GRM3: variants seen among roughly 807,000 people sequenced by gnomAD.
GRM3 encodes the protein glutamate metabotropic receptor 3.
GRM3 carries 26 observed loss-of-function variants against 70.5 expected under a neutral mutation model. The observed-to-expected ratio is 0.37, with a 90% CI of 0.27 to 0.51. The LOEUF is 0.51. GRM3 is among the 20% of genes least tolerant of loss of function. The pLI, the probability that GRM3 is intolerant of heterozygous loss-of-function variation, is 0.93. For synonymous variants in GRM3, 443 were observed against 434.9 expected, an observed-to-expected ratio of 1.02 and a Z score of -0.23; for missense variants, 859 against 1,123.8, an observed-to-expected ratio of 0.76 and a Z score of 3.37.
intron 1 of GRM3, among the ~76,000 whole-genome samples, chr7:86,704,139 C>T (rs966316202): frequency 1.3e-5 from 2 of 151,876 alleles, no homozygotes; most frequent in Non-Finnish European, 2.9e-5. Flanking sequence ...TTAAATAGTA[C>T]AACCAAATAT....
At chr7:86,696,066 A>G (rs724225) in intron 1 of GRM3, among the ~76,000 whole-genome samples, 106,060 of 151,552 alleles carry the variant, frequency 0.7, 37,622 homozygotes, top group East Asian at 0.87. Flanking sequence ...CTACTCCTCT[A>G]CAAGTTAATT....
intron 3 of GRM3, among the ~76,000 whole-genome samples, chr7:86,832,648 A>G (rs188867876): frequency 2.0e-5 from 3 of 152,290 alleles, no homozygotes; most frequent in Admixed American, 6.5e-5. Context: ...GAGCCACACT[A>G]TTCTCTTACC....
At chr7:86,822,755 T>A (rs945909420) in intron 3 of GRM3, among the ~76,000 whole-genome samples, 7 of 152,064 alleles carry the variant, frequency 4.6e-5, no homozygotes. Flanking sequence ...TAAAAGTAAA[T>A]CAATTAAAAT....
intron 2 of GRM3, among the ~76,000 whole-genome samples, chr7:86,780,080 T>C (rs1237799700): frequency 6.6e-6 from 1 of 152,238 alleles, no homozygotes; most frequent in African/African-American, 2.4e-5. Flanking sequence ...TGCATAGTAT[T>C]CCGTGGTGTA....
chr7:86,818,596 G>A (rs1309021026), intron 3 of GRM3, among the ~76,000 whole-genome samples: 2 of 152,032 alleles, frequency 1.3e-5, no homozygotes, highest in Non-Finnish European at 2.9e-5. Flanking sequence ...AGGTACTCAA[G>A]TAGATGCATA....
intron 1 of GRM3, among the ~76,000 whole-genome samples, chr7:86,730,907 G>C (rs1170507317): frequency 6.6e-6 from 1 of 152,152 alleles, no homozygotes; most frequent in Non-Finnish European, 1.5e-5. Context: ...AATAGGGTCA[G>C]CTATCACTAT....
intron 5 of GRM3, among the ~76,000 whole-genome samples, chr7:86,863,546 C>T (rs1013601158): frequency 3.3e-5 from 5 of 152,118 alleles, no homozygotes; most frequent in Non-Finnish European, 1.5e-5. Context: ...TTCTGAGACC[C>T]GTTATGAAAC....
At chr7:86,752,162 A>G (rs1476112525) in intron 1 of GRM3, among the ~76,000 whole-genome samples, 1 of 152,122 alleles carries the variant, frequency 6.6e-6, no homozygotes, top group Non-Finnish European at 1.5e-5. Flanking sequence ...CAGGCTTCCT[A>G]CAAGTCAGTA....
In GRM3 at chr7:86,752,363, G is replaced by A. The variant is rs1403946866; in HGVS notation, c.-140-12643G>A. Among the ~76,000 whole-genome samples, 8 of 152,062 alleles carry A rather than the reference G, an allele frequency of 5.3e-5. No individual in the cohort carries two copies. The East Asian group carries it at 1.2e-3, about 22-fold the overall frequency. ...CCATAATTTTATGCCCATAATTTGAGTATAATACAAAGAAAGGAAAGCAAA... is the reference window on the plus strand; with the variant it reads ...CCATAATTTTATGCCCATAATTTGAATATAATACAAAGAAAGGAAAGCAAA... On this transcript the variant is annotated intron_variant, in intron 1 of 5. Coordinates refer to ENST00000361669, the MANE Select transcript of GRM3 (RefSeq NM_000840.3).
intron 3 of GRM3, among the ~76,000 whole-genome samples, chr7:86,810,150 C>G (rs1019161149): frequency 6.6e-6 from 1 of 152,006 alleles, no homozygotes; most frequent in Non-Finnish European, 1.5e-5. Flanking sequence ...GACCTTAAAT[C>G]GTCTTTATTC....
chr7:86,694,505 C>A (rs1794766455), intron 1 of GRM3, among the ~76,000 whole-genome samples: 2 of 91,064 alleles, frequency 2.2e-5, no homozygotes, highest in Non-Finnish European at 2.0e-5. Context: ...GAGCAAGACT[C>A]TGTCTCAAAA....
At chr7:86,738,729 G>A (rs879678467) in intron 1 of GRM3, among the ~76,000 whole-genome samples, 29 of 152,186 alleles carry the variant, frequency 1.9e-4, no homozygotes, top group Admixed American at 1.5e-3. Flanking sequence ...AGAGATACTT[G>A]TATAATAAAA....
chr7:86,713,026 T>C (rs904756283), intron 1 of GRM3, among the ~76,000 whole-genome samples: 2 of 152,090 alleles, frequency 1.3e-5, no homozygotes, highest in African/African-American at 2.4e-5. Context: ...GGTGGTTCTA[T>C]ATTTAGCTTT....
Position 86,786,371 on chromosome 7 carries a change from C to G in GRM3, c.579C>G (p.Pro193=), listed in dbSNP as rs754970559. 1 of 1,614,174 alleles carries G rather than the reference C, an allele frequency of 6.2e-7. No individual in the cohort carries two copies. Among genetic ancestry groups the G allele is most frequent in the Non-Finnish European group, 8.5e-7 (1 of 1,180,028 alleles). The change falls in exon 3 of 6, where the codon CCC becomes CCG. Residue 193 remains proline, a synonymous_variant. Transcript: ENST00000361669. The surrounding 1 kb of genome is among the most constrained non-coding windows in gnomAD (Gnocchi z 6.0). ...RYDYFARTVP[P]DFYQAKAMAE... Reference sequence around the variant, plus strand: ...ATTACTTTGCCAGGACCGTGCCCCCCGACTTCTACCAGGCCAAAGCCATGG... The same window carrying G: ...ATTACTTTGCCAGGACCGTGCCCCCGGACTTCTACCAGGCCAAAGCCATGG...
intron 1 of GRM3, among the ~76,000 whole-genome samples, chr7:86,735,241 A>G (rs1014553791): frequency 5.9e-5 from 9 of 152,160 alleles, no homozygotes; most frequent in African/African-American, 2.2e-4. Flanking sequence ...TATTAACAGC[A>G]GATATACCTG....
intron 3 of GRM3, 92 bp downstream of exon 3, chr7:86,787,208 A>T: frequency 9.3e-7 from 1 of 1,074,476 alleles, no homozygotes; most frequent in Non-Finnish European, 1.3e-6. Context: ...AGAAATAATT[A>T]TTTCAAAGCC....
At position 86,842,515 on chromosome 7, in the gene GRM3, C is replaced by A. The variant is rs144932986; in HGVS notation, c.2391+2610C>A. Among the ~76,000 whole-genome samples, 789 of 152,200 alleles carry A rather than the reference C, an allele frequency of 5.2e-3. 6 individuals are homozygous for A. Among genetic ancestry groups the A allele is most frequent in the African/African-American group, 0.018 (748 of 41,538 alleles). On this transcript the variant is annotated intron_variant, in intron 4 of 5. Coordinates refer to ENST00000361669, the MANE Select transcript of GRM3 (RefSeq NM_000840.3). Reference sequence around the variant, plus strand: ...TATGAACTTTCATAGACCCTATAAGCATTTGAACTTGGGAACCTTGCTCTA... The same window carrying A: ...TATGAACTTTCATAGACCCTATAAGAATTTGAACTTGGGAACCTTGCTCTA...
intron 1 of GRM3, among the ~76,000 whole-genome samples, chr7:86,711,447 T>C (rs556233038): frequency 5.9e-5 from 9 of 152,258 alleles, no homozygotes; most frequent in Admixed American, 5.9e-4. Context: ...AGCACTTTTC[T>C]ACCATTTTAT....
chr7:86,687,929 G>A (rs1794603677), intron 1 of GRM3, among the ~76,000 whole-genome samples: 1 of 151,594 alleles, frequency 6.6e-6, no homozygotes, highest in Admixed American at 6.6e-5. Flanking sequence ...AGGTACAAAT[G>A]TCATAATGTA....
Sources: allele counts gnomAD v4.1 joint callset (sites outside exome capture counted in the v4.1 genomes callset), GRCh38; gene constraint gnomAD v4.1.1; non-coding constraint Gnocchi (gnomAD v3.1); transcripts MANE v1.5; gene names NCBI Gene and HGNC (gene_info 2026-07-23, HGNC 2026-07-21).